The following GPM6A variants were observed in gnomAD, a reference collection of about 807,000 sequenced individuals.
The protein encoded by GPM6A is neuronal membrane glycoprotein M6-a.
A neutral mutation model predicts 32.1 loss-of-function variants in GPM6A; 7 were observed. That is an observed-to-expected ratio of 0.22 (90% confidence interval 0.12 to 0.41). The LOEUF (loss-of-function observed/expected upper bound fraction) is 0.41. Among genes scored for constraint, GPM6A ranks in the 10% least tolerant of loss-of-function variants. The pLI is 1.00. For missense variants in GPM6A, 235 were observed against 347.2 expected (o/e 0.68, Z 2.57); for synonymous variants, 130 against 123.4 (o/e 1.05, Z -0.35).
chr4:175,644,989 A>C (rs1741373488), intron 4 of GPM6A, among the ~76,000 whole-genome samples: 1 of 152,110 alleles, frequency 6.6e-6, no homozygotes, highest in Non-Finnish European at 1.5e-5. Context: ...GTCACCAGCT[A>C]CTTGGGAGGC....
intron 2 of GPM6A, among the ~76,000 whole-genome samples, chr4:175,682,057 C>T (rs1007072939): frequency 1.3e-5 from 2 of 152,120 alleles, no homozygotes; most frequent in African/African-American, 4.8e-5. Flanking sequence ...ATAGTGACAT[C>T]GACAGTGAAG....
intron 1 of GPM6A, among the ~76,000 whole-genome samples, chr4:175,848,932 A>G (rs1407263103): frequency 1.3e-5 from 2 of 152,208 alleles, no homozygotes; most frequent in African/African-American, 4.8e-5. Flanking sequence ...GATTCATATG[A>G]GGAAAAGTGA....
intron 1 of GPM6A, chr4:175,891,835 CA>C (rs1737658792): frequency 6.6e-6 from 1 of 152,122 alleles, no homozygotes; most frequent in African/African-American, 2.4e-5. Context: ...CTCATAATTT[CA>C]AAGCTCATTT....
At chr4:175,737,315 C>T (rs10023839) in intron 1 of GPM6A, among the ~76,000 whole-genome samples, 8,562 of 151,788 alleles carry the variant, frequency 0.056, 499 homozygotes, top group African/African-American at 0.15. Context: ...TAATCCTGCA[C>T]GCCTATAATC....
intron 1 of GPM6A, among the ~76,000 whole-genome samples, chr4:175,761,754 C>T (rs1223710296): frequency 1.3e-5 from 2 of 151,244 alleles, no homozygotes; most frequent in Admixed American, 1.3e-4. Flanking sequence ...AGTCTAGGAA[C>T]ATGATAAATA....
intron 1 of GPM6A, among the ~76,000 whole-genome samples, chr4:175,945,503 A>T (rs927778069): frequency 1.3e-5 from 2 of 152,114 alleles, no homozygotes; most frequent in Non-Finnish European, 2.9e-5. Context: ...CATATTACTT[A>T]GTTGTAAGTA....
intron 1 of GPM6A, among the ~76,000 whole-genome samples, chr4:175,975,423 T>C (rs909063296): frequency 6.6e-6 from 1 of 152,232 alleles, no homozygotes; most frequent in Non-Finnish European, 1.5e-5. Context: ...ACATCTGTGA[T>C]ATAACTAACC....
At chr4:175,834,937 C>G (rs1285521726) in intron 1 of GPM6A, among the ~76,000 whole-genome samples, 2 of 152,318 alleles carry the variant, frequency 1.3e-5, no homozygotes, top group Non-Finnish European at 2.9e-5. Context: ...CCACATGGCA[C>G]CTACTCTTTC....
intron 1 of GPM6A, among the ~76,000 whole-genome samples, chr4:175,820,720 A>T (rs1267495780): frequency 6.6e-6 from 1 of 151,570 alleles, no homozygotes; most frequent in Admixed American, 6.6e-5. Flanking sequence ...GCTGGTCTCA[A>T]ACTTCTGACC....
chr4:175,700,088 C>T (rs963984963), intron 2 of GPM6A, among the ~76,000 whole-genome samples: 2 of 151,880 alleles, frequency 1.3e-5, no homozygotes, highest in African/African-American at 4.8e-5. Flanking sequence ...GTCTCGAACT[C>T]CTGGCCTCAA....
intron 1 of GPM6A, among the ~76,000 whole-genome samples, chr4:175,971,268 G>C (rs986378972): frequency 3.3e-4 from 42 of 125,862 alleles, no homozygotes; most frequent in Non-Finnish European, 1.1e-4. Context: ...TTTATCTTCC[G>C]TGAAAAAAAA....
intron 1 of GPM6A, among the ~76,000 whole-genome samples, chr4:175,754,110 A>G (rs1331875353): frequency 6.6e-6 from 1 of 152,174 alleles, no homozygotes; most frequent in African/African-American, 2.4e-5. Context: ...TTAATAAGTA[A>G]ATATTTCAAT....
chr4:175,782,810 C>A (rs951840683), intron 1 of GPM6A, among the ~76,000 whole-genome samples: 1 of 151,896 alleles, frequency 6.6e-6, no homozygotes, highest in African/African-American at 2.4e-5. Context: ...ATTCTCATTT[C>A]TTTCTTTAAT....
chr4:175,862,243 T>C (rs1247489596), intron 1 of GPM6A, among the ~76,000 whole-genome samples: 3 of 152,198 alleles, frequency 2.0e-5, no homozygotes, highest in Admixed American at 6.5e-5. Context: ...CATATATCCA[T>C]GTAAACAGCA....
intron 1 of GPM6A, among the ~76,000 whole-genome samples, chr4:175,833,640 T>A (rs1431511815): frequency 3.9e-5 from 6 of 152,166 alleles, no homozygotes; most frequent in African/African-American, 1.4e-4. Context: ...CCTATTTAAC[T>A]AATATGGAAA....
At position 175,942,809 on chromosome 4, in the gene GPM6A, C is replaced by G. The variant is rs186309182; in HGVS notation, c.-23+59500G>C. On this transcript the variant is annotated intron_variant, in intron 1 of 7. Transcript: ENST00000280187. ...TGTAGTATAGTTTGAAGTCAGGTAG[C>G]GTGATGCCTCCAGCTTTGATCTTTT... 3.3e-4 allele frequency among the ~76,000 whole-genome samples: 50 copies of G among 152,156 alleles called. No individual in the cohort carries two copies. In the East Asian group the frequency reaches 8.9e-3, roughly 27 times the overall value.
intron 1 of GPM6A, among the ~76,000 whole-genome samples, chr4:175,885,919 A>G (rs557600090): frequency 4.6e-5 from 7 of 152,318 alleles, no homozygotes; most frequent in African/African-American, 1.7e-4. Context: ...ATTTACACAG[A>G]CCACATAAGA....
intron 1 of GPM6A, among the ~76,000 whole-genome samples, chr4:175,757,123 G>A (rs888683932): frequency 2.0e-5 from 3 of 152,072 alleles, no homozygotes; most frequent in Admixed American, 6.6e-5. Flanking sequence ...ATGTGACAGA[G>A]GTGACAGTGT....
At chr4:175,945,036 A>AC in intron 1 of GPM6A, among the ~76,000 whole-genome samples, 1 of 152,300 alleles carries the variant, frequency 6.6e-6, no homozygotes, top group South Asian at 2.1e-4. Context: ...AAAACTGATT[A>AC]AAGGTTTAAA....
Sources: gnomAD v4.1 joint callset for allele counts (sites outside exome capture counted in the v4.1 genomes callset) on GRCh38, gnomAD v4.1.1 for gene constraint, MANE v1.5 for transcripts, NCBI Gene and HGNC (gene_info 2026-07-23, HGNC 2026-07-21) for gene names.